RYR2: variants seen among roughly 807,000 people sequenced by gnomAD.
RYR2 encodes ryanodine receptor 2, also known as cardiac muscle ryanodine receptor-calcium release channel.
RYR2 carries 227 observed loss-of-function variants against 601.1 expected under a neutral mutation model. That is an observed-to-expected ratio of 0.38 (90% confidence interval 0.34 to 0.42). The LOEUF (loss-of-function observed/expected upper bound fraction) is 0.42. Among genes scored for constraint, RYR2 ranks in the 10% least tolerant of loss-of-function variants. The pLI is 1.00. For synonymous variants in RYR2, 2,223 were observed against 2,175.1 expected (o/e 1.02, Z -0.61); for missense variants, 4,646 against 6,156.5 (o/e 0.75, Z 8.21).
chr1:237,756,968 G>A (rs1693010938), intron 81 of RYR2, among the ~76,000 whole-genome samples: 1 of 152,178 alleles, frequency 6.6e-6, no homozygotes, highest in African/African-American at 2.4e-5. Flanking sequence ...TTAAGATGCT[G>A]TCATATATCT....
At chr1:237,467,858 C>CTTTT (rs199646421) in intron 16 of RYR2, among the ~76,000 whole-genome samples, 1 of 123,620 alleles carries the variant, frequency 8.1e-6, no homozygotes, top group Non-Finnish European at 1.7e-5. Context: ...ATTTTCTCTG[C>CTTTT]TTTTTTTTTT....
chr1:237,392,810 G>A (rs1034399714), intron 10 of RYR2, among the ~76,000 whole-genome samples: 1 of 152,106 alleles, frequency 6.6e-6, no homozygotes, highest in African/African-American at 2.4e-5. Flanking sequence ...TGTTTGAAAA[G>A]CATTATTTAT....
chr1:237,388,711 A>C (rs1220326700), intron 10 of RYR2, among the ~76,000 whole-genome samples: 1 of 152,188 alleles, frequency 6.6e-6, no homozygotes, highest in Non-Finnish European at 1.5e-5. Context: ...CAATAGTATG[A>C]ATCTACTGAG....
chr1:237,333,800 T>C (rs1236437603), intron 3 of RYR2, among the ~76,000 whole-genome samples: 1 of 152,144 alleles, frequency 6.6e-6, no homozygotes, highest in African/African-American at 2.4e-5. Context: ...ATAAATCATG[T>C]GTAGTTTGCT....
At chr1:237,332,824 G>A (rs182333464) in intron 3 of RYR2, among the ~76,000 whole-genome samples, 2 of 152,262 alleles carry the variant, frequency 1.3e-5, no homozygotes, top group East Asian at 1.9e-4. Flanking sequence ...TTGAAATATA[G>A]GAAGTAATTT....
chr1:237,351,114 A>C (rs1698803644), intron 3 of RYR2, among the ~76,000 whole-genome samples: 1 of 152,154 alleles, frequency 6.6e-6, no homozygotes, highest in African/African-American at 2.4e-5. Context: ...GCAAATCCAT[A>C]AGCCTATGAA....
At chr1:237,241,104 G>A (rs1178436788) in intron 1 of RYR2, among the ~76,000 whole-genome samples, 2 of 152,206 alleles carry the variant, frequency 1.3e-5, no homozygotes, top group Non-Finnish European at 2.9e-5. Flanking sequence ...AGGCTGCTAA[G>A]CACAGCCAGT....
At chr1:237,478,367 A>T (rs947949619) in intron 17 of RYR2, among the ~76,000 whole-genome samples, 2 of 152,304 alleles carry the variant, frequency 1.3e-5, no homozygotes, top group South Asian at 4.1e-4. Context: ...GTCAATGGGA[A>T]TGGTAAAAAT....
chr1:237,406,277 A>G (rs1163257065), intron 10 of RYR2, among the ~76,000 whole-genome samples: 1 of 143,042 alleles, frequency 7.0e-6, no homozygotes, highest in Non-Finnish European at 1.5e-5. Flanking sequence ...TACCTAGGCT[A>G]GTTTTTGGTG....
At chr1:237,357,367 C>T (rs1189407041) in intron 4 of RYR2, among the ~76,000 whole-genome samples, 2 of 152,160 alleles carry the variant, frequency 1.3e-5, no homozygotes, top group Non-Finnish European at 2.9e-5. Context: ...ATATCAGCAT[C>T]CTACAACATA....
intron 7 of RYR2, among the ~76,000 whole-genome samples, chr1:237,376,821 G>A (rs1701072960): frequency 1.3e-5 from 2 of 152,304 alleles, no homozygotes; most frequent in South Asian, 4.1e-4. Flanking sequence ...AAAGGGGACA[G>A]GATAGTACAA....
At chr1:237,747,943 G>A (rs1692219083) in intron 80 of RYR2, among the ~76,000 whole-genome samples, 1 of 152,044 alleles carries the variant, frequency 6.6e-6, no homozygotes, top group Non-Finnish European at 1.5e-5. Context: ...GGGGAAAGAG[G>A]GAAGGAATTC....
chr1:237,784,810 A>G lies in RYR2; in HGVS notation c.13098A>G (p.Leu4366=), dbSNP rs2149356435. 1 of 1,613,376 alleles carries G rather than the reference A, an allele frequency of 6.2e-7. No individual in the cohort carries two copies. The highest frequency in any genetic ancestry group is 8.5e-7 in the Non-Finnish European group (1 of 1,179,470). Residue 4366 remains leucine (L), a synonymous_variant, in exon 90 of 105, where the codon TTA becomes TTG. Coordinates refer to ENST00000366574, the MANE Select transcript of RYR2 (RefSeq NM_001035.3). The surrounding 1 kb of genome is among the most constrained non-coding windows in gnomAD (Gnocchi z 7.1). ...AALPSEDLTD[L]KELTEESDLL... is the part of the protein sequence containing the mutation. ...TGCCCTCCGAGGATCTGACCGACTT[A>G]AAGGAGCTGACAGAGGAAAGTGACC...
intron 3 of RYR2, among the ~76,000 whole-genome samples, chr1:237,342,313 ATTTTTTTT>A (rs201847873): frequency 7.7e-6 from 1 of 130,238 alleles, no homozygotes; most frequent in Non-Finnish European, 1.6e-5. Flanking sequence ...TGGCTAATTA[ATTTTTTTT>A]TTTTTTTTTT....
chr1:237,426,738 T>A (rs560472068), intron 12 of RYR2, among the ~76,000 whole-genome samples: 22 of 152,288 alleles, frequency 1.4e-4, no homozygotes, highest in African/African-American at 5.1e-4. Context: ...GACATTGGAA[T>A]GATTTGCCAA....
chr1:237,317,960 T>C (rs531163369), intron 2 of RYR2, among the ~76,000 whole-genome samples: 4 of 152,292 alleles, frequency 2.6e-5, no homozygotes, highest in South Asian at 2.1e-4. Flanking sequence ...TTTTGTGTGA[T>C]ATAATTGGAT....
intron 1 of RYR2, among the ~76,000 whole-genome samples, chr1:237,051,509 A>G (rs1218325494): frequency 6.6e-6 from 1 of 151,968 alleles, no homozygotes; most frequent in Non-Finnish European, 1.5e-5. Flanking sequence ...CTTAAGGCAC[A>G]TTTGAATAGT....
At chr1:237,548,921 G>A (rs1310491577) in intron 26 of RYR2, among the ~76,000 whole-genome samples, 2 of 152,124 alleles carry the variant, frequency 1.3e-5, no homozygotes, top group East Asian at 1.9e-4. Flanking sequence ...ATAATAAAAT[G>A]GGTTCACCAT....
intron 9 of RYR2, 62 bp from the exon 10 acceptor site, chr1:237,388,025 C>A: frequency 7.1e-7 from 1 of 1,414,568 alleles, no homozygotes; most frequent in Non-Finnish European, 9.9e-7. Flanking sequence ...ACCAGATGAT[C>A]TGTCTGGCTA....
Sources: gnomAD v4.1 joint callset for allele counts (sites outside exome capture counted in the v4.1 genomes callset) on GRCh38, gnomAD v4.1.1 for gene constraint, Gnocchi (gnomAD v3.1) non-coding constraint, MANE v1.5 for transcripts, NCBI Gene and HGNC (gene_info 2026-07-23, HGNC 2026-07-21) for gene names.